TRAK1: variants seen among roughly 807,000 people sequenced by gnomAD.
TRAK1 encodes the protein trafficking kinesin protein 1, also known as trafficking kinesin-binding protein 1.
Under a neutral mutation model 92.1 loss-of-function variants are expected in TRAK1, and 33 were observed. That is an observed-to-expected ratio of 0.36 (90% confidence interval 0.27 to 0.48). The LOEUF (loss-of-function observed/expected upper bound fraction) is 0.48. TRAK1 is among the 20% of genes least tolerant of loss of function. The pLI is 0.99. For missense variants in TRAK1, 1,123 were observed against 1,257.9 expected, an observed-to-expected ratio of 0.89 and a Z score of 1.62; for synonymous variants, 521 against 517.3, an observed-to-expected ratio of 1.01 and a Z score of -0.10.
intron 2 of TRAK1, among the ~76,000 whole-genome samples, chr3:42,153,470 T>C (rs1444639300): frequency 2.6e-5 from 4 of 152,174 alleles, no homozygotes; most frequent in Non-Finnish European, 5.9e-5. Flanking sequence ...GTTGCTTCAG[T>C]TTCTTTTGTA....
intron 1 of TRAK1, among the ~76,000 whole-genome samples, chr3:42,048,465 C>G (rs1441939881): frequency 6.6e-6 from 1 of 152,140 alleles, no homozygotes; most frequent in Admixed American, 6.5e-5. Context: ...TGTGTTCCAC[C>G]TGCTCTACTC....
chr3:42,091,421 T>C lies in TRAK1; in HGVS notation c.-49T>C, dbSNP rs779657978. 6.4e-6 allele frequency: 10 copies of C among 1,570,004 alleles called. No individual in the cohort carries two copies. In the Admixed American group the frequency reaches 6.9e-5, roughly 11 times the overall value. ...AGGTACTGCCGGGGCTGAGCTCTCA[T>C]GGAGGCTCTCTCTGTTCTCTGAAGT... On this transcript the variant is annotated 5_prime_UTR_variant, in exon 1 of 16. The change abolishes an upstream ATG in the 5' untranslated region. Coordinates refer to ENST00000327628, the MANE Select transcript of TRAK1 (RefSeq NM_001042646.3).
chr3:42,218,334 G>A, intron 14 of TRAK1: 22 of 984,408 alleles, frequency 2.2e-5, no homozygotes, highest in Non-Finnish European at 2.7e-5. Flanking sequence ...GAAGATTCTA[G>A]TTCACAGCCT....
chr3:42,036,897 A>C (rs1702348356), intron 1 of TRAK1, among the ~76,000 whole-genome samples: 2 of 152,168 alleles, frequency 1.3e-5, no homozygotes, highest in Non-Finnish European at 2.9e-5. Flanking sequence ...TTACAGGTGC[A>C]TGCCACCACA....
chr3:42,136,534 G>A (rs995638286), intron 2 of TRAK1, among the ~76,000 whole-genome samples: 2 of 151,838 alleles, frequency 1.3e-5, no homozygotes, highest in Non-Finnish European at 2.9e-5. Context: ...TAAGGTGGGC[G>A]GGTCACTTAA....
intron 2 of TRAK1, among the ~76,000 whole-genome samples, chr3:42,175,115 C>T (rs1576795462): frequency 6.6e-6 from 1 of 151,914 alleles, no homozygotes; most frequent in South Asian, 2.1e-4. Flanking sequence ...GGAGAGTGGG[C>T]GCCGGTGAGT....
chr3:42,223,565 G>C lies in TRAK1; in HGVS notation c.2690G>C (p.Arg897Thr). Residue 897 changes from arginine to threonine, a missense_variant, in exon 16 of 16, where the codon AGA (arginine) becomes ACA (threonine). Arg to Thr is a moderately conservative substitution (Grantham distance 71). Transcript: ENST00000327628. The surrounding 1 kb of genome is among the most constrained non-coding windows in gnomAD (Gnocchi z 6.1). ...RGLVPEGLPL[R>T]CPTVTSAIGG... ...CTGGTACCTGAGGGCCTGCCCCTCA[G>C]ATGCCCCACTGTCACCAGTGCCATC... 1 of 1,613,902 alleles carries C rather than the reference G, an allele frequency of 6.2e-7. No individual in the cohort carries two copies. The highest frequency in any genetic ancestry group is 8.5e-7 in the Non-Finnish European group (1 of 1,180,000).
At chr3:42,083,879 T>A (rs57946975), upstream of TRAK1, among the ~76,000 whole-genome samples, 2 of 151,568 alleles carry the variant, frequency 1.3e-5, no homozygotes, top group Non-Finnish European at 2.9e-5. Context: ...TTTAAAAAAA[T>A]AAATAAATAA....
intron 2 of TRAK1, among the ~76,000 whole-genome samples, chr3:42,173,476 T>A (rs1048621183): frequency 1.3e-5 from 2 of 152,198 alleles, no homozygotes; most frequent in Non-Finnish European, 2.9e-5. Flanking sequence ...TAGAAGTTAG[T>A]TGGTGGCTGC....
intron 3 of TRAK1, among the ~76,000 whole-genome samples, chr3:42,181,281 C>T (rs1179543449): frequency 1.3e-5 from 2 of 150,576 alleles, no homozygotes; most frequent in Admixed American, 6.7e-5. Flanking sequence ...CAGTGGCTCA[C>T]GCCTGTAATC....
At position 42,219,614 on chromosome 3, in the gene TRAK1, TGGGGTGGGCA is replaced by T; in HGVS notation, c.2066+27_2066+36del. Reference sequence around the variant, plus strand: ...ACACCAAGGTAAGGGACCCTGGCTTTGGGGTGGGCAGGGGTGGGGTGAAGTCAGGGCACTC... The same window carrying T: ...ACACCAAGGTAAGGGACCCTGGCTTTGGGGTGGGGTGAAGTCAGGGCACTC... On this transcript the variant is annotated intron_variant, in intron 15 of 15. Transcript: ENST00000327628. The T allele has an allele frequency of 2.9e-6, 2 of 685,504 alleles. No homozygotes were observed. The highest frequency in any genetic ancestry group is 5.0e-6 in the Non-Finnish European group (2 of 401,672). The allele number at this position is 685,504 out of a possible 1,614,324, so 42.5% of individuals were successfully genotyped here.
intron 1 of TRAK1, among the ~76,000 whole-genome samples, chr3:42,051,947 C>G (rs905510550): frequency 3.3e-5 from 5 of 152,180 alleles, no homozygotes; most frequent in South Asian, 2.1e-4. Flanking sequence ...GCCCTATCTT[C>G]TCTACTACCC....
chr3:42,132,654 C>T (rs1257828281), intron 2 of TRAK1, among the ~76,000 whole-genome samples: 1 of 152,032 alleles, frequency 6.6e-6, no homozygotes, highest in Non-Finnish European at 1.5e-5. Flanking sequence ...ATATATCCTC[C>T]CCAGGCCCCA....
At chr3:42,094,778 A>T (rs1006273626) in intron 1 of TRAK1, among the ~76,000 whole-genome samples, 1 of 152,232 alleles carries the variant, frequency 6.6e-6, no homozygotes, top group Non-Finnish European at 1.5e-5. Flanking sequence ...ATCGAAATGT[A>T]TTACAAGGAA....
chr3:42,167,695 A>C lies in TRAK1; in HGVS notation c.287-9119A>C, dbSNP rs553589069. Among the ~76,000 whole-genome samples, 173 of 152,296 alleles carry C rather than the reference A, an allele frequency of 1.1e-3. 2 individuals are homozygous for C. The highest frequency in any genetic ancestry group is 3.4e-3 in the Middle Eastern group (1 of 294). On this transcript the variant is annotated intron_variant, in intron 2 of 15. Transcript: ENST00000327628. ...GGAGATCGAGACCATCCTGGCTAAC[A>C]TGATGAAACCCTGTCTCTACTAAAA...
intron 2 of TRAK1, 90 bp from the exon 3 acceptor site, chr3:42,176,724 G>A: frequency 1.7e-6 from 2 of 1,175,156 alleles, no homozygotes; most frequent in Non-Finnish European, 1.3e-6. Context: ...TAATGTGCAG[G>A]CACAACATTA....
intron 1 of TRAK1, among the ~76,000 whole-genome samples, chr3:42,106,589 C>CT (rs1707603164): frequency 6.6e-6 from 1 of 152,158 alleles, no homozygotes; most frequent in Admixed American, 6.5e-5. Context: ...TATAGTGACT[C>CT]TATCACCTGA....
intron 1 of TRAK1, among the ~76,000 whole-genome samples, chr3:42,068,436 G>A (rs191596069): frequency 6.6e-6 from 1 of 152,322 alleles, no homozygotes; most frequent in African/African-American, 2.4e-5. Context: ...GAAGCACTGT[G>A]ATTACAGGCA....
intron 13 of TRAK1, among the ~76,000 whole-genome samples, chr3:42,207,639 G>A (rs1451236511): frequency 6.6e-6 from 1 of 152,172 alleles, no homozygotes; most frequent in Non-Finnish European, 1.5e-5. Context: ...TGCGATGCAG[G>A]CCTGCCTCAA....
Sources: gnomAD v4.1 joint callset for allele counts (sites outside exome capture counted in the v4.1 genomes callset) on GRCh38, gnomAD v4.1.1 for gene constraint, Gnocchi (gnomAD v3.1) non-coding constraint, MANE v1.5 for transcripts, NCBI Gene and HGNC (gene_info 2026-07-23, HGNC 2026-07-21) for gene names.